Variants in CSMD2 observed in about 807,000 individuals in gnomAD.
CSMD2 encodes CUB and Sushi multiple domains 2.
CSMD2 carries 130 observed loss-of-function variants against 398.5 expected under a neutral mutation model. The ratio of observed to expected loss-of-function variants is 0.33; its 90% CI spans 0.28 to 0.38. The LOEUF (loss-of-function observed/expected upper bound fraction) is 0.38. Among genes scored for constraint, CSMD2 ranks in the 10% least tolerant of loss-of-function variants. The pLI, the probability that CSMD2 is intolerant of heterozygous loss-of-function variation, is 1.00. For synonymous variants in CSMD2, 1,828 were observed against 1,908.5 expected (o/e 0.96, Z 1.10); for missense variants, 3,829 against 4,764.9 (o/e 0.80, Z 5.78).
chr1:33,606,122 C>T, intron 41 of CSMD2: 2 of 1,359,132 alleles, frequency 1.5e-6, no homozygotes, highest in Non-Finnish European at 1.9e-6. Context: ...CAGGAGATGC[C>T]TCCATGGAAG....
chr1:34,081,980 G>C (rs1180208258), intron 2 of CSMD2, among the ~76,000 whole-genome samples: 2 of 139,924 alleles, frequency 1.4e-5, no homozygotes, highest in African/African-American at 2.7e-5. Flanking sequence ...GCCGCCCATC[G>C]TCTGGGATGT....
rs541893064 is a variant in CSMD2 at position 34,008,929 on chromosome 1, T to C, written c.517+23665A>G. 6.6e-5 allele frequency among the ~76,000 whole-genome samples: 10 copies of C among 152,252 alleles called. No homozygotes were observed. The East Asian group carries it at 1.2e-3, about 18-fold the overall frequency. On this transcript the variant is annotated intron_variant, in intron 3 of 70. Coordinates refer to ENST00000373381, the MANE Select transcript of CSMD2 (RefSeq NM_001281956.2). ...TCACAACCCTTCTCACCTCAGCCTG[T>C]TATGGAAGAAATTGAGGATATTTTG...
intron 53 of CSMD2, among the ~76,000 whole-genome samples, chr1:33,565,841 G>A (rs773200007): frequency 6.6e-6 from 1 of 152,028 alleles, no homozygotes; most frequent in Non-Finnish European, 1.5e-5. Context: ...AAAGGTGGAA[G>A]AATATAAAAG....
chr1:33,978,004 C>A (rs1474481379), intron 3 of CSMD2, among the ~76,000 whole-genome samples: 2 of 152,116 alleles, frequency 1.3e-5, no homozygotes, highest in Non-Finnish European at 2.9e-5. Flanking sequence ...AGGACTAAGG[C>A]TTGCTGAGAG....
intron 10 of CSMD2, among the ~76,000 whole-genome samples, chr1:33,797,408 C>T (rs1655082016): frequency 1.3e-5 from 2 of 152,154 alleles, no homozygotes; most frequent in Admixed American, 6.5e-5. Context: ...GGCAGGTTCC[C>T]CCAATACAGC....
At chr1:33,997,558 C>G (rs1276697270) in intron 3 of CSMD2, among the ~76,000 whole-genome samples, 1 of 152,164 alleles carries the variant, frequency 6.6e-6, no homozygotes, top group East Asian at 1.9e-4. Context: ...GTCCCACCCT[C>G]CCACCAGGCA....
Position 33,567,764 on chromosome 1 carries a change from C to T in CSMD2, c.8209G>A (p.Gly2737Arg). 1 of 1,613,882 alleles carries T rather than the reference C, an allele frequency of 6.2e-7. No homozygotes were observed. Among genetic ancestry groups the T allele is most frequent in the Non-Finnish European group, 8.5e-7 (1 of 1,179,938 alleles). Residue 2737 changes from glycine (G) to arginine (R), a missense_variant, in exon 53 of 71, where the codon GGA becomes AGA. Gly to Arg is a moderately radical substitution (Grantham distance 125). Transcript: ENST00000373381. ...VLSSPSLTKA[G>R]HCGTPEPIVN... The stretch of plus-strand genomic sequence containing the variant: ...ATGGGCTCAGGAGTCCCACAGTGTC[C>T]AGCTTTGGTGAGGGATGGGGAAGAG...
intron 2 of CSMD2, among the ~76,000 whole-genome samples, chr1:34,084,533 GA>G (rs1160585099): frequency 6.6e-6 from 1 of 152,040 alleles, no homozygotes; most frequent in Non-Finnish European, 1.5e-5. Flanking sequence ...AAATTGACAA[GA>G]AAAAAACAAA....
chr1:34,089,380 C>T (rs190614661), intron 1 of CSMD2, among the ~76,000 whole-genome samples, 187 bp from the exon 2 acceptor site: 39 of 152,294 alleles, frequency 2.6e-4, no homozygotes, highest in Admixed American at 6.5e-4. Context: ...TTGCTGTGCG[C>T]TGTGTACTGA....
chr1:34,090,419 C>T (rs1325875845), intron 1 of CSMD2, among the ~76,000 whole-genome samples: 3 of 152,170 alleles, frequency 2.0e-5, no homozygotes, highest in Non-Finnish European at 1.5e-5. Flanking sequence ...TGGGGGACTT[C>T]CCACTTGTGC....
chr1:33,803,621 T>G (rs895037454), intron 10 of CSMD2, among the ~76,000 whole-genome samples: 5 of 152,124 alleles, frequency 3.3e-5, no homozygotes, highest in African/African-American at 1.2e-4. Context: ...CTCCCTCAGC[T>G]CCCACATCCA....
At chr1:33,611,424 T>G (rs1640996598) in intron 40 of CSMD2, among the ~76,000 whole-genome samples, 174 bp from the exon 41 acceptor site, 2 of 152,222 alleles carry the variant, frequency 1.3e-5, no homozygotes, top group African/African-American at 4.8e-5. Flanking sequence ...GTCTCTTGTC[T>G]TTGACAGGGC....
intron 1 of CSMD2, among the ~76,000 whole-genome samples, chr1:34,134,567 A>G (rs1638517846): frequency 6.6e-6 from 1 of 152,216 alleles, no homozygotes; most frequent in South Asian, 2.1e-4. Context: ...CAAAACACTG[A>G]CAAATTTAAG....
At chr1:34,143,469 G>A (rs1246861474) in intron 1 of CSMD2, among the ~76,000 whole-genome samples, 1 of 152,090 alleles carries the variant, frequency 6.6e-6, no homozygotes, top group African/African-American at 2.4e-5. Context: ...CTTGCCCCGT[G>A]TTAAACTTTA....
intron 2 of CSMD2, among the ~76,000 whole-genome samples, chr1:34,063,187 C>T (rs1570976710): frequency 6.6e-6 from 1 of 152,134 alleles, no homozygotes; most frequent in African/African-American, 2.4e-5. Flanking sequence ...GGGGACACAG[C>T]CAAACCATAT....
At chr1:33,867,243 G>A (rs867436644) in intron 5 of CSMD2, among the ~76,000 whole-genome samples, 3 of 152,218 alleles carry the variant, frequency 2.0e-5, no homozygotes, top group Non-Finnish European at 4.4e-5. Flanking sequence ...AAGGAACTGT[G>A]GGAAATGTCT....
At chr1:33,916,238 A>T (rs1643715965) in intron 5 of CSMD2, among the ~76,000 whole-genome samples, 1 of 152,212 alleles carries the variant, frequency 6.6e-6, no homozygotes, top group African/African-American at 2.4e-5. Context: ...ATATATATAA[A>T]TAGCCAGCTA....
chr1:33,941,625 C>T (rs1644677507), intron 3 of CSMD2, among the ~76,000 whole-genome samples: 1 of 152,134 alleles, frequency 6.6e-6, no homozygotes, highest in Non-Finnish European at 1.5e-5. Context: ...CAGATCTGTG[C>T]TAGGCACTTC....
Position 34,035,812 on chromosome 1 carries a change from A to C in CSMD2, c.405-3106T>G, listed in dbSNP as rs1426234468. 3.9e-5 allele frequency among the ~76,000 whole-genome samples: 6 copies of C among 152,300 alleles called. No individual in the cohort carries two copies. The East Asian group carries it at 7.7e-4, about 20-fold the overall frequency. ...AATGCTTTTCCCTTAAGATTGAGAA[A>C]AAGGCAAGGATTCAACAACTCAGTT... On this transcript the variant is annotated intron_variant, in intron 2 of 70. Transcript: ENST00000373381.
Sources: allele counts gnomAD v4.1 joint callset (sites outside exome capture counted in the v4.1 genomes callset), GRCh38; gene constraint gnomAD v4.1.1; transcripts MANE v1.5; gene names NCBI Gene and HGNC (gene_info 2026-07-23, HGNC 2026-07-21).